The following LARGE1 variants were observed in gnomAD, a reference collection of about 807,000 sequenced individuals.
LARGE1 encodes LARGE xylosyl- and glucuronyltransferase 1, also known as xylosyl- and glucuronyltransferase LARGE1.
A neutral mutation model predicts 87.6 loss-of-function variants in LARGE1; 43 were observed. The observed-to-expected ratio is 0.49, with a 90% confidence interval of 0.38 to 0.63. LARGE1 has a LOEUF of 0.63. Among genes scored for constraint, LARGE1 ranks in the 30% least tolerant of loss-of-function variants. The probability of loss-of-function intolerance (pLI) is 0.00; values close to 1 mark genes in which losing one functional copy is unlikely to be tolerated. For synonymous variants in LARGE1, 434 were observed against 394.6 expected, an observed-to-expected ratio of 1.10 and a Z score of -1.18; for missense variants, 802 against 1,000.2, an observed-to-expected ratio of 0.80 and a Z score of 2.67.
intron 11 of LARGE1, among the ~76,000 whole-genome samples, chr22:33,205,810 C>T (rs959623417): frequency 1.3e-5 from 2 of 152,088 alleles, no homozygotes; most frequent in African/African-American, 4.8e-5. Flanking sequence ...GACAGAGTCT[C>T]GCTGTGATGC....
chr22:33,613,140 T>G (rs1358947916), intron 4 of LARGE1, among the ~76,000 whole-genome samples: 1 of 152,200 alleles, frequency 6.6e-6, no homozygotes, highest in Non-Finnish European at 1.5e-5. Context: ...GGCAGTTTGC[T>G]GATATTGTCT....
At chr22:33,828,932 G>A (rs2062878896) in intron 1 of LARGE1, among the ~76,000 whole-genome samples, 1 of 151,596 alleles carries the variant, frequency 6.6e-6, no homozygotes, top group African/African-American at 2.4e-5. Flanking sequence ...TTATCTCAGA[G>A]GCTCGCTTTC....
chr22:33,466,716 A>ACACACACACACG (rs1454277111), intron 6 of LARGE1, among the ~76,000 whole-genome samples: 3 of 141,722 alleles, frequency 2.1e-5, no homozygotes, highest in Non-Finnish European at 3.0e-5. Flanking sequence ...ACACACACAT[A>ACACACACACACG]CACACACACA....
At chr22:33,805,044 G>C (rs1317566733) in intron 1 of LARGE1, among the ~76,000 whole-genome samples, 2 of 152,270 alleles carry the variant, frequency 1.3e-5, no homozygotes, top group South Asian at 4.1e-4. Flanking sequence ...TGTTTCTCTT[G>C]CAATCTTCCC....
intron 11 of LARGE1, chr22:33,305,773 AAT>A (rs779045006): frequency 5.7e-5 from 9 of 156,726 alleles, no homozygotes; most frequent in Non-Finnish European, 1.1e-4. Flanking sequence ...ACCAGTGCAA[AAT>A]GCTCTCCATT....
At chr22:33,730,556 C>T (rs1378708972) in intron 2 of LARGE1, among the ~76,000 whole-genome samples, 1 of 152,098 alleles carries the variant, frequency 6.6e-6, no homozygotes, top group Non-Finnish European at 1.5e-5. Flanking sequence ...CCCTAGTTCC[C>T]ATGTTGTTTA....
rs16992037 is a variant in LARGE1 at position 33,274,696 on chromosome 22, T to C, written c.2074-72A>G. 2.3e-3 allele frequency: 3,026 copies of C among 1,300,432 alleles called. 36 individuals carry two copies. In the Admixed American group the frequency reaches 0.028, roughly 12 times the overall value. The allele number at this position is 1,300,432 out of a possible 1,614,324, so 80.6% of individuals were successfully genotyped here. On this transcript the variant is annotated intron_variant, in intron 14 of 14. Transcript: ENST00000397394. ...CATGCATGATGAAGGCCCAAGCGAA[T>C]GATTGAATGGCTAGTGAATGAATGA...
At chr22:33,626,400 A>G (rs1192436749) in intron 3 of LARGE1, 74 bp from the exon 4 acceptor site, 1 of 1,174,960 alleles carries the variant, frequency 8.5e-7, no homozygotes, top group African/African-American at 1.5e-5. Flanking sequence ...AGATCACACT[A>G]GAAAGAAAAA....
chr22:33,533,908 T>C (rs1035065682), intron 6 of LARGE1, among the ~76,000 whole-genome samples: 5 of 152,148 alleles, frequency 3.3e-5, no homozygotes, highest in African/African-American at 1.2e-4. Context: ...TTTTGGACGT[T>C]TTCCGCTCTT....
intron 9 of LARGE1, among the ~76,000 whole-genome samples, chr22:33,352,593 A>G (rs1201776091): frequency 7.1e-6 from 1 of 141,612 alleles, no homozygotes; most frequent in African/African-American, 3.1e-5. Context: ...ATCTCTACTT[A>G]AAAAAAAATA....
intron 4 of LARGE1, among the ~76,000 whole-genome samples, chr22:33,606,017 A>C (rs1314535307): frequency 6.6e-6 from 1 of 152,170 alleles, no homozygotes; most frequent in Non-Finnish European, 1.5e-5. Flanking sequence ...GGCTGGGCCC[A>C]GGGTGTATTA....
intron 2 of LARGE1, among the ~76,000 whole-genome samples, chr22:33,727,900 C>T (rs922629739): frequency 1.7e-4 from 26 of 152,116 alleles, no homozygotes; most frequent in Admixed American, 8.5e-4. Context: ...CAGAGCAGGG[C>T]CAGCATTAAA....
intron 2 of LARGE1, among the ~76,000 whole-genome samples, chr22:33,676,314 C>T (rs2081574453): frequency 8.4e-6 from 1 of 119,368 alleles, no homozygotes; most frequent in Admixed American, 1.2e-4. Context: ...ATTATTTGCA[C>T]ATCAGAGAAT....
chr22:33,572,912 A>G (rs1349745234), intron 5 of LARGE1, among the ~76,000 whole-genome samples: 1 of 152,120 alleles, frequency 6.6e-6, no homozygotes, highest in Non-Finnish European at 1.5e-5. Flanking sequence ...ATGGTTAACA[A>G]CACATAGTCT....
intron 6 of LARGE1, among the ~76,000 whole-genome samples, chr22:33,480,626 T>C (rs576552013): frequency 6.6e-6 from 1 of 152,194 alleles, no homozygotes; most frequent in African/African-American, 2.4e-5. Context: ...TCCAATAACT[T>C]TGGATGCATT....
intron 11 of LARGE1, among the ~76,000 whole-genome samples, chr22:33,174,514 G>T (rs573299371): frequency 6.6e-6 from 1 of 152,096 alleles, no homozygotes; most frequent in South Asian, 2.1e-4. Flanking sequence ...GGAGATAGAG[G>T]CATGAAAAAC....
intron 5 of LARGE1, among the ~76,000 whole-genome samples, chr22:33,589,207 T>A (rs529574755): frequency 6.6e-6 from 1 of 152,294 alleles, no homozygotes; most frequent in East Asian, 1.9e-4. Flanking sequence ...GAAGTCTTGG[T>A]CTAGCTGCCT....
intron 10 of LARGE1, among the ~76,000 whole-genome samples, chr22:33,324,420 ATGCTACTGTACTCTGCTCTCTGGCCAC>A (rs370931036): frequency 1.3e-5 from 2 of 151,870 alleles, no homozygotes; most frequent in African/African-American, 4.8e-5. Context: ...CAGGGTCTGA[ATGCTACTGTACTCTGCTCTCTGGCCAC>A]TGCCACAGGG....
chr22:33,424,896 G>A (rs2066822020), intron 7 of LARGE1, among the ~76,000 whole-genome samples: 4 of 152,106 alleles, frequency 2.6e-5, no homozygotes, highest in Admixed American at 2.0e-4. Context: ...GACAGTATTA[G>A]AAGGTGGGGC....
Sources: allele counts gnomAD v4.1 joint callset (sites outside exome capture counted in the v4.1 genomes callset), GRCh38; gene constraint gnomAD v4.1.1; transcripts MANE v1.5; gene names NCBI Gene and HGNC (gene_info 2026-07-23, HGNC 2026-07-21).